UGT2B10: variants seen among roughly 807,000 people sequenced by gnomAD.
UGT2B10 encodes the protein UDP glucuronosyltransferase family 2 member B10, also known as UDP-glucuronosyltransferase 2B10.
A neutral mutation model predicts 43.7 loss-of-function variants in UGT2B10; 51 were observed. That is an observed-to-expected ratio of 1.17 (90% CI 0.93 to 1.47). The LOEUF is 1.47. Among genes scored for constraint, UGT2B10 ranks in the 40% most tolerant of loss-of-function variants. UGT2B10 has a pLI of 0.00. For missense variants in UGT2B10, 696 were observed against 617.7 expected (o/e 1.13, Z -1.34); for synonymous variants, 225 against 209.0 (o/e 1.08, Z -0.66).
At chr4:68,825,964 T>C (rs556766687) in intron 3 of UGT2B10, among the ~76,000 whole-genome samples, 15 of 152,154 alleles carry the variant, frequency 9.9e-5, no homozygotes, top group African/African-American at 3.6e-4. Flanking sequence ...CAACAGAGTA[T>C]AAGCATTCCT....
In UGT2B10 at chr4:68,831,391, A is replaced by C. The variant is rs1240523144; in HGVS notation, c.*512A>C. ...TACAGGTATGTACCACCATAACTTT[A>C]CAAAATGAGATTTTTATATAAGAAT... On this transcript the variant is annotated 3_prime_UTR_variant, in exon 6 of 6. Coordinates refer to ENST00000265403, the MANE Select transcript of UGT2B10 (RefSeq NM_001075.6). 6.6e-6 allele frequency among the ~76,000 whole-genome samples: 1 copy of C among 152,100 alleles called. No homozygotes were observed. The highest frequency in any genetic ancestry group is 1.5e-5 in the Non-Finnish European group (1 of 67,994).
At chr4:68,824,685 G>A (rs559712595) in intron 3 of UGT2B10, among the ~76,000 whole-genome samples, 1 of 152,218 alleles carries the variant, frequency 6.6e-6, no homozygotes, top group Admixed American at 6.6e-5. Flanking sequence ...TTATTGTTCA[G>A]TTTATGAGGA....
intron 3 of UGT2B10, among the ~76,000 whole-genome samples, chr4:68,825,152 C>T (rs1352250657): frequency 6.6e-6 from 1 of 151,650 alleles, no homozygotes; most frequent in African/African-American, 2.4e-5. Context: ...TCATATTACT[C>T]AAAAAGAAAC....
At chr4:68,818,958 A>G (rs1737361141) in intron 2 of UGT2B10, among the ~76,000 whole-genome samples, 1 of 151,934 alleles carries the variant, frequency 6.6e-6, no homozygotes, top group Non-Finnish European at 1.5e-5. Flanking sequence ...AAAAGCCTCC[A>G]AGATATTCAA....
In UGT2B10 at chr4:68,830,832, T is replaced by C. The variant is rs1738059572; in HGVS notation, c.1540T>C (p.Cys514Arg). ...TATCATCACAAAGTGTTGTCTGTTT[T>C]GTTTCTGGAAGTTTGCTAGAAAAGG... ...LFIITKCCLF[C>R]FWKFARKGKK... The change falls in exon 6 of 6, where the codon TGT (cysteine) becomes CGT (arginine). Residue 514 changes from cysteine to arginine, a missense_variant. By Grantham distance (180) the Cys-to-Arg change is radical. Coordinates refer to ENST00000265403, the MANE Select transcript of UGT2B10 (RefSeq NM_001075.6). 2 of 1,613,040 alleles carry C rather than the reference T, an allele frequency of 1.2e-6. No homozygotes were observed. Among genetic ancestry groups the C allele is most frequent in the Non-Finnish European group, 8.5e-7 (1 of 1,179,438 alleles).
chr4:68,816,591 C>T lies in UGT2B10; in HGVS notation c.572C>T (p.Ser191Phe). ...AGTGGAGGATTTATTTTCCCTCCTT[C>T]CTACGTACCTGTTGTTATGTCAAAA... ...RHSGGFIFPP[S>F]YVPVVMSKLS... Residue 191 changes from serine (S) to phenylalanine (F), a missense_variant, in exon 1 of 6, where the codon TCC becomes TTC. Coordinates refer to ENST00000265403, the MANE Select transcript of UGT2B10 (RefSeq NM_001075.6). The T allele has an allele frequency of 6.2e-7, 1 of 1,612,994 alleles. No homozygotes were observed. The highest frequency in any genetic ancestry group is 1.1e-5 in the South Asian group (1 of 91,044).
At chr4:68,821,892 G>GA (rs5859146) in intron 2 of UGT2B10, among the ~76,000 whole-genome samples, 134,452 of 152,060 alleles carry the variant, frequency 0.88, 61,509 homozygotes, top group Non-Finnish European at 1. Flanking sequence ...CAAAAATATA[G>GA]ATTAAACCCT....
intron 3 of UGT2B10, among the ~76,000 whole-genome samples, chr4:68,825,382 T>C (rs1353060247): frequency 6.6e-6 from 1 of 152,038 alleles, no homozygotes; most frequent in Non-Finnish European, 1.5e-5. Context: ...TGCAGGTTTT[T>C]TACATAGGGA....
chr4:68,827,618 T>C lies in UGT2B10; in HGVS notation c.1307+70T>C. 5 of 1,581,538 alleles carry C rather than the reference T, an allele frequency of 3.2e-6. No homozygotes were observed. The South Asian group carries it at 5.7e-5, about 18-fold the overall frequency. On this transcript the variant is annotated intron_variant, in intron 5 of 5. Transcript: ENST00000265403. ...TTTTCTTGTCAGTAGTGAGCATGAG[T>C]TTCATCCTTTTTATAAGAGAGTGAT...
chr4:68,822,049 C>T (rs1737526971), intron 2 of UGT2B10, among the ~76,000 whole-genome samples: 1 of 152,116 alleles, frequency 6.6e-6, no homozygotes, highest in African/African-American at 2.4e-5. Flanking sequence ...CACATACCTA[C>T]ATACACACAC....
intron 3 of UGT2B10, 25 bp downstream of exon 3, chr4:68,822,427 T>C: frequency 2.5e-6 from 4 of 1,611,004 alleles, no homozygotes; most frequent in Non-Finnish European, 3.4e-6. Flanking sequence ...CTTACTGGTG[T>C]GGAAAACTAC....
chr4:68,831,091 G>C lies in UGT2B10; in HGVS notation c.*212G>C. On this transcript the variant is annotated 3_prime_UTR_variant, in exon 6 of 6. Coordinates refer to ENST00000265403, the MANE Select transcript of UGT2B10 (RefSeq NM_001075.6). The stretch of plus-strand genomic sequence containing the variant: ...TGTGGCAATGAAGAAAACACTAGGG[G>C]AAATAAAAAATAATATAAAGCCATA... 1.6e-6 allele frequency: 1 copy of C among 620,356 alleles called. No individual in the cohort carries two copies. 38.4% of individuals were successfully genotyped at this position (620,356 alleles called of 1,614,324 possible).
At chr4:68,822,915 G>C (rs1454956830) in intron 3 of UGT2B10, among the ~76,000 whole-genome samples, 1 of 152,118 alleles carries the variant, frequency 6.6e-6, no homozygotes, top group Non-Finnish European at 1.5e-5. Context: ...TCCAATGGGT[G>C]AAGAACACTT....
At position 68,830,551 on chromosome 4, in the gene UGT2B10, G is replaced by A. The variant is rs560281181; in HGVS notation, c.1308-49G>A. ...GCCTTTCATAGACTTGATATCTACA[G>A]GCAAATTAACTTACTTTCAGTGTCG... On this transcript the variant is annotated intron_variant, in intron 5 of 5. Transcript: ENST00000265403. 1,144 of 1,557,790 alleles carry A rather than the reference G, an allele frequency of 7.3e-4. 1 individual carries two copies. Among genetic ancestry groups the A allele is most frequent in the Non-Finnish European group, 8.9e-4 (1,028 of 1,155,572 alleles).
intron 3 of UGT2B10, among the ~76,000 whole-genome samples, chr4:68,823,535 T>C (rs1285759540): frequency 6.6e-6 from 1 of 152,074 alleles, no homozygotes; most frequent in Non-Finnish European, 1.5e-5. Flanking sequence ...AACTAGAGAC[T>C]CTACTGTAGT....
chr4:68,822,398 A>G lies in UGT2B10; in HGVS notation c.995A>G (p.Gln332Arg), dbSNP rs1737554703. The G allele has an allele frequency of 6.2e-7, 1 of 1,613,618 alleles. No individual in the cohort carries two copies. The highest frequency in any genetic ancestry group is 2.2e-5 in the East Asian group (1 of 44,828). The change falls in exon 3 of 6, where the codon CAA becomes CGA. Residue 332 changes from glutamine (Q) to arginine (R), a missense_variant. Coordinates refer to ENST00000265403, the MANE Select transcript of UGT2B10 (RefSeq NM_001075.6). ...VIATALAKIP[Q>R]KVLWRFDGNK... The stretch of plus-strand genomic sequence containing the variant: ...GCAACAGCCCTTGCCAAGATCCCAC[A>G]AAAGGTAAGATAAAGTGCCTTACTG...
chr4:68,828,510 AAC>A (rs544065995), intron 5 of UGT2B10, among the ~76,000 whole-genome samples: 2 of 152,018 alleles, frequency 1.3e-5, no homozygotes, highest in Non-Finnish European at 2.9e-5. Context: ...ATTGAATAGA[AAC>A]ACAAACCAAC....
At chr4:68,823,541 G>A (rs1358384310) in intron 3 of UGT2B10, among the ~76,000 whole-genome samples, 2 of 152,212 alleles carry the variant, frequency 1.3e-5, no homozygotes, top group African/African-American at 2.4e-5. Context: ...AGACTCTACT[G>A]TAGTATATTT....
intron 1 of UGT2B10, 139 bp from the exon 2 acceptor site, chr4:68,817,890 A>G (rs1337468408): frequency 2.1e-6 from 2 of 961,802 alleles, no homozygotes; most frequent in Non-Finnish European, 2.9e-6. Flanking sequence ...TTATTCCTAT[A>G]TATGAATATA....
Sources: gnomAD v4.1 joint callset for allele counts (sites outside exome capture counted in the v4.1 genomes callset) on GRCh38, gnomAD v4.1.1 for gene constraint, MANE v1.5 for transcripts, NCBI Gene and HGNC (gene_info 2026-07-23, HGNC 2026-07-21) for gene names.